The following NEDD4 variants were observed in gnomAD, a reference collection of about 807,000 sequenced individuals.
The protein encoded by NEDD4 is NEDD4 E3 ubiquitin protein ligase, also known as E3 ubiquitin-protein ligase NEDD4.
NEDD4 carries 99 observed loss-of-function variants against 144.9 expected under a neutral mutation model. That is an observed-to-expected ratio of 0.68 (90% CI 0.58 to 0.81). The LOEUF (loss-of-function observed/expected upper bound fraction) is 0.81, where lower values mean the gene tolerates loss of function less well. Among genes scored for constraint, NEDD4 ranks in the 30% least tolerant of loss-of-function variants. The probability of loss-of-function intolerance (pLI) is 0.00; values close to 1 mark genes in which losing one functional copy is unlikely to be tolerated. For missense variants in NEDD4, 985 were observed against 1,065.9 expected (o/e 0.92, Z 1.06); for synonymous variants, 318 against 350.6 (o/e 0.91, Z 1.04).
At chr15:55,907,288 GA>G (rs1595828054) in intron 5 of NEDD4, among the ~76,000 whole-genome samples, 2 of 152,036 alleles carry the variant, frequency 1.3e-5, no homozygotes, top group East Asian at 1.9e-4. Context: ...AAAACATGGA[GA>G]AAAAGACAGA....
At chr15:55,944,239 G>C (rs921115302) in intron 4 of NEDD4, among the ~76,000 whole-genome samples, 3 of 152,204 alleles carry the variant, frequency 2.0e-5, no homozygotes, top group South Asian at 4.1e-4. Flanking sequence ...CTAGCCAAAA[G>C]AAGCTGTGAT....
chr15:55,887,981 T>C (rs1237357339), intron 5 of NEDD4, among the ~76,000 whole-genome samples: 1 of 152,146 alleles, frequency 6.6e-6, no homozygotes, highest in African/African-American at 2.4e-5. Context: ...CGAAGAAATA[T>C]AGCTCAACAT....
Position 55,860,572 on chromosome 15 carries a change from G to A in NEDD4, c.795C>T (p.Asn265=). The part of the protein sequence containing the change: ...ESVDNRESSE[N]WEIIREDEAT... ...CTTCATCTTCTCTTATAATTTCCCA[G>A]TTCTAAAATGAACAGAATAAGCTTG... The change falls in exon 11 of 29, where the codon AAC becomes AAT. Residue 265 remains asparagine (N), a splice_region_variant and synonymous_variant. Coordinates refer to ENST00000435532, the MANE Select transcript of NEDD4 (RefSeq NM_006154.4). 6.2e-7 allele frequency: 1 copy of A among 1,613,934 alleles called. No homozygotes were observed. The highest frequency in any genetic ancestry group is 8.5e-7 in the Non-Finnish European group (1 of 1,179,938).
At chr15:55,898,883 C>T (rs1440719352) in intron 5 of NEDD4, among the ~76,000 whole-genome samples, 1 of 152,082 alleles carries the variant, frequency 6.6e-6, no homozygotes, top group African/African-American at 2.4e-5. Context: ...CTAAAGTGAT[C>T]CTCCAATCTC....
At chr15:55,868,228 G>C (rs1002375433) in intron 8 of NEDD4, among the ~76,000 whole-genome samples, 1 of 152,110 alleles carries the variant, frequency 6.6e-6, no homozygotes, top group Non-Finnish European at 1.5e-5. Context: ...CTAGCCCCTG[G>C]GGAAGGCCCT....
At chr15:55,970,648 G>A (rs1335601581) in intron 1 of NEDD4, among the ~76,000 whole-genome samples, 1 of 152,166 alleles carries the variant, frequency 6.6e-6, no homozygotes. Flanking sequence ...GGTAATCCAG[G>A]GAATTCTCCC....
In NEDD4 at chr15:55,993,584, G is replaced by A. The variant is rs754984817; in HGVS notation, c.-29C>T. The A allele has an allele frequency of 2.5e-6, 4 of 1,589,320 alleles. No individual in the cohort carries two copies. Among genetic ancestry groups the A allele is most frequent in the South Asian group, 1.1e-5 (1 of 88,546 alleles). On this transcript the variant is annotated 5_prime_UTR_variant, in exon 1 of 29. Transcript: ENST00000435532. ...CGAACGCTTCCAGCAAACCGGACGCGCTCGCCCCCGCCCAGGGCAGGCAAC... is the reference window on the plus strand; with the variant it reads ...CGAACGCTTCCAGCAAACCGGACGCACTCGCCCCCGCCCAGGGCAGGCAAC...
At chr15:55,898,310 A>G (rs2035801458) in intron 5 of NEDD4, among the ~76,000 whole-genome samples, 1 of 152,246 alleles carries the variant, frequency 6.6e-6, no homozygotes, top group Non-Finnish European at 1.5e-5. Context: ...AGGTAAATGA[A>G]TCTAAAAGTT....
intron 21 of NEDD4, among the ~76,000 whole-genome samples, chr15:55,840,171 AAGAC>A (rs1401772502): frequency 1.3e-5 from 2 of 150,956 alleles, no homozygotes; most frequent in Admixed American, 6.6e-5. Flanking sequence ...TGAAGAAACT[AAGAC>A]AGACTGATGG....
chr15:55,958,037 G>A (rs1309506268), intron 2 of NEDD4, among the ~76,000 whole-genome samples: 4 of 152,138 alleles, frequency 2.6e-5, no homozygotes, highest in African/African-American at 7.2e-5. Context: ...GTTGATGGGT[G>A]CAGCACACCA....
chr15:55,901,390 T>C (rs534322217), intron 5 of NEDD4, among the ~76,000 whole-genome samples: 3 of 149,694 alleles, frequency 2.0e-5, no homozygotes, highest in African/African-American at 4.9e-5. Flanking sequence ...GGCCCACATA[T>C]AGGACTTTCT....
At chr15:55,988,684 T>C (rs1393433510) in intron 1 of NEDD4, among the ~76,000 whole-genome samples, 2 of 152,166 alleles carry the variant, frequency 1.3e-5, no homozygotes, top group Non-Finnish European at 2.9e-5. Flanking sequence ...TCAGTGTCCA[T>C]TTCCTAGCTT....
intron 11 of NEDD4, among the ~76,000 whole-genome samples, chr15:55,859,205 C>T (rs748223474): frequency 5.9e-5 from 9 of 152,170 alleles, no homozygotes; most frequent in Non-Finnish European, 1.2e-4. Flanking sequence ...CTCAATCTCC[C>T]TTGATGATAC....
At chr15:55,955,905 T>C (rs1476501721) in intron 2 of NEDD4, among the ~76,000 whole-genome samples, 1 of 151,714 alleles carries the variant, frequency 6.6e-6, no homozygotes, top group Non-Finnish European at 1.5e-5. Flanking sequence ...AGCCTCAACT[T>C]CCTGGGCTCA....
intron 18 of NEDD4, among the ~76,000 whole-genome samples, chr15:55,846,336 G>A (rs541646759): frequency 1.1e-4 from 17 of 152,288 alleles, no homozygotes; most frequent in Non-Finnish European, 2.2e-4. Flanking sequence ...AAGGAGGACA[G>A]GATGAGCAAG....
At chr15:55,848,073 T>C (rs2033823006) in intron 17 of NEDD4, among the ~76,000 whole-genome samples, 1 of 152,242 alleles carries the variant, frequency 6.6e-6, no homozygotes, top group African/African-American at 2.4e-5. Context: ...TGTGGAGGAC[T>C]GTCATCATTC....
At chr15:55,864,240 T>C (rs1305609872) in intron 8 of NEDD4, among the ~76,000 whole-genome samples, 6 of 152,224 alleles carry the variant, frequency 3.9e-5, no homozygotes, top group Middle Eastern at 3.4e-3. Context: ...AACTTTAAAA[T>C]GCTCCCAAAA....
At chr15:55,864,310 C>G (rs2034509789) in intron 8 of NEDD4, among the ~76,000 whole-genome samples, 1 of 152,044 alleles carries the variant, frequency 6.6e-6, no homozygotes. Flanking sequence ...TGGGAAGACT[C>G]AGTCTCACAA....
intron 1 of NEDD4, 125 bp downstream of exon 1, chr15:55,993,386 C>G (rs1013887541): frequency 4.0e-6 from 5 of 1,259,502 alleles, no homozygotes; most frequent in Non-Finnish European, 5.4e-6. Context: ...GCTCCCCAGG[C>G]TCGCGCCGAG....
Sources: gnomAD v4.1 joint callset for allele counts (sites outside exome capture counted in the v4.1 genomes callset) on GRCh38, gnomAD v4.1.1 for gene constraint, MANE v1.5 for transcripts, NCBI Gene and HGNC (gene_info 2026-07-23, HGNC 2026-07-21) for gene names.